The following ALK variants were observed in gnomAD, a reference collection of about 807,000 sequenced individuals.
The protein encoded by ALK is ALK tyrosine kinase receptor.
In ALK, 74 loss-of-function variants were observed where a neutral mutation model predicts 163.1. The observed-to-expected ratio is 0.45, with a 90% CI of 0.38 to 0.55. The LOEUF is 0.55. Ranked by LOEUF, ALK falls within the 20% of genes least tolerant of loss-of-function variation. ALK has a pLI of 0.00. For missense variants in ALK, 2,063 were observed against 2,105.3 expected (o/e 0.98, Z 0.39); for synonymous variants, 960 against 843.2 (o/e 1.14, Z -2.40).
intron 4 of ALK, among the ~76,000 whole-genome samples, chr2:29,483,055 G>C (rs926100276): frequency 3.0e-4 from 45 of 152,180 alleles, no homozygotes; most frequent in African/African-American, 1.1e-3. Context: ...AAACCCAAAG[G>C]GCAGGAACTT....
At chr2:29,420,059 A>AGGCAGGAG (rs1205365617) in intron 4 of ALK, among the ~76,000 whole-genome samples, 5 of 147,710 alleles carry the variant, frequency 3.4e-5, no homozygotes, top group Non-Finnish European at 7.4e-5. Flanking sequence ...CAGGAGGCTG[A>AGGCAGGAG]GGCAGGAGGA....
chr2:29,223,960 G>C (rs1264210963), intron 19 of ALK: 1 of 314,090 alleles, frequency 3.2e-6, no homozygotes, highest in Non-Finnish European at 6.0e-6. Flanking sequence ...GGGAGGGAAG[G>C]TTGGGTGGAA....
At chr2:29,714,540 C>T (rs1469211043) in intron 2 of ALK, among the ~76,000 whole-genome samples, 1 of 152,144 alleles carries the variant, frequency 6.6e-6, no homozygotes, top group Non-Finnish European at 1.5e-5. Flanking sequence ...GAGGCCTAGC[C>T]TAGTGGTCAT....
At chr2:29,647,940 G>A (rs1245028669) in intron 3 of ALK, among the ~76,000 whole-genome samples, 1 of 152,014 alleles carries the variant, frequency 6.6e-6, no homozygotes, top group African/African-American at 2.4e-5. Flanking sequence ...ATTATGAATA[G>A]AAGATAATAT....
At position 29,247,174 on chromosome 2, in the gene ALK, C is replaced by T. The variant is rs550108925; in HGVS notation, c.2204+3931G>A. 9.2e-4 allele frequency among the ~76,000 whole-genome samples: 139 copies of T among 151,274 alleles called. 1 individual carries two copies. Among genetic ancestry groups the T allele is most frequent in the Non-Finnish European group, 9.1e-4 (62 of 67,962 alleles). On this transcript the variant is annotated intron_variant, in intron 12 of 28. Transcript: ENST00000389048. ...GGCCTCCGCGGCAGCGCCTTTCCCC[C>T]GGCCTCCGCGGCAGCGCCTTGTGGA... is the stretch of plus-strand genomic sequence containing the variant.
intron 1 of ALK, among the ~76,000 whole-genome samples, chr2:29,730,968 C>T (rs2148317318): frequency 6.6e-6 from 1 of 152,284 alleles, no homozygotes; most frequent in East Asian, 1.9e-4. Flanking sequence ...GTCTACATGA[C>T]AATAGAGACG....
At chr2:29,566,133 G>A (rs146971763) in intron 3 of ALK, among the ~76,000 whole-genome samples, 1 of 152,148 alleles carries the variant, frequency 6.6e-6, no homozygotes, top group African/African-American at 2.4e-5. Flanking sequence ...ACCCACCCAG[G>A]GTCACCCTGC....
At chr2:29,663,646 C>T (rs1032735877) in intron 3 of ALK, among the ~76,000 whole-genome samples, 6 of 152,220 alleles carry the variant, frequency 3.9e-5, no homozygotes, top group Non-Finnish European at 7.4e-5. Flanking sequence ...CTTCTCATAA[C>T]AGACAATGAA....
At chr2:29,645,495 C>T (rs978707190) in intron 3 of ALK, among the ~76,000 whole-genome samples, 2 of 152,116 alleles carry the variant, frequency 1.3e-5, no homozygotes, top group Admixed American at 6.6e-5. Context: ...AAGAATAAAG[C>T]GTACTCCATT....
chr2:29,694,717 G>A (rs528025136), intron 3 of ALK, 133 bp downstream of exon 3: 2 of 1,222,104 alleles, frequency 1.6e-6, no homozygotes, highest in African/African-American at 1.5e-5. Flanking sequence ...GCCATGGAAA[G>A]TCACAGATAT....
intron 1 of ALK, among the ~76,000 whole-genome samples, chr2:29,846,900 G>A (rs938230209): frequency 3.3e-5 from 5 of 152,154 alleles, no homozygotes; most frequent in African/African-American, 1.2e-4. Flanking sequence ...GAACAGTCAG[G>A]TTATTTGGCC....
intron 4 of ALK, among the ~76,000 whole-genome samples, chr2:29,454,382 T>A (rs1334916238): frequency 6.6e-6 from 1 of 152,232 alleles, no homozygotes; most frequent in Non-Finnish European, 1.5e-5. Context: ...CAATACCTAA[T>A]ACAATGTAAG....
chr2:29,565,928 G>A (rs184414531), intron 3 of ALK, among the ~76,000 whole-genome samples: 5 of 152,126 alleles, frequency 3.3e-5, no homozygotes, highest in Non-Finnish European at 7.4e-5. Context: ...GCAGGTGAGG[G>A]GACTGCTATT....
chr2:29,315,173 G>A (rs1465686728), intron 8 of ALK, among the ~76,000 whole-genome samples: 1 of 151,516 alleles, frequency 6.6e-6, no homozygotes, highest in Non-Finnish European at 1.5e-5. Context: ...GCGAGGCAGA[G>A]GTCTTTAAAT....
intron 3 of ALK, among the ~76,000 whole-genome samples, chr2:29,635,827 T>C (rs1037757498): frequency 1.3e-5 from 2 of 151,808 alleles, no homozygotes; most frequent in Non-Finnish European, 2.9e-5. Context: ...GTGAGGGTTC[T>C]ATCATGTTGG....
At chr2:29,663,146 A>G (rs1356863007) in intron 3 of ALK, among the ~76,000 whole-genome samples, 1 of 152,186 alleles carries the variant, frequency 6.6e-6, no homozygotes, top group Non-Finnish European at 1.5e-5. Context: ...CATAAATCAG[A>G]GCAGACTAAA....
At chr2:29,370,002 T>C (rs1040968754) in intron 5 of ALK, among the ~76,000 whole-genome samples, 2 of 152,086 alleles carry the variant, frequency 1.3e-5, no homozygotes, top group South Asian at 4.2e-4. Flanking sequence ...ACGTGCACAG[T>C]GGATCTCTTG....
chr2:29,801,859 C>T (rs1280109784), intron 1 of ALK, among the ~76,000 whole-genome samples: 1 of 152,154 alleles, frequency 6.6e-6, no homozygotes, highest in South Asian at 2.1e-4. Context: ...GGTCACTTGA[C>T]TCTTATGTCA....
intron 5 of ALK, among the ~76,000 whole-genome samples, chr2:29,363,641 G>T (rs1328851544): frequency 6.6e-6 from 1 of 152,172 alleles, no homozygotes; most frequent in East Asian, 1.9e-4. Flanking sequence ...TGGGGGAATA[G>T]TACCTTTTAA....
Sources: allele counts gnomAD v4.1 joint callset (sites outside exome capture counted in the v4.1 genomes callset), GRCh38; gene constraint gnomAD v4.1.1; transcripts MANE v1.5; gene names NCBI Gene and HGNC (gene_info 2026-07-23, HGNC 2026-07-21).